Variants in SHBG observed in about 807,000 individuals in gnomAD.
SHBG encodes the protein sex hormone binding globulin, also known as sex hormone-binding globulin.
SHBG carries 37 observed loss-of-function variants against 41.9 expected under a neutral mutation model. The observed-to-expected ratio is 0.88, with a 90% CI of 0.68 to 1.16. SHBG has a LOEUF of 1.16. Ranked by LOEUF, SHBG falls within the 50% of genes most tolerant of loss-of-function variation. The pLI, the probability that SHBG is intolerant of heterozygous loss-of-function variation, is 0.00. For missense variants in SHBG, 466 were observed against 499.9 expected, an observed-to-expected ratio of 0.93 and a Z score of 0.65; for synonymous variants, 217 against 205.8, an observed-to-expected ratio of 1.05 and a Z score of -0.47.
intron 1 of SHBG, among the ~76,000 whole-genome samples, chr17:7,615,575 TGGATCACCTGAGGTCCTC>T (rs1164078207): frequency 4.3e-5 from 6 of 139,470 alleles, no homozygotes; most frequent in South Asian, 2.3e-4. Flanking sequence ...CCGAGGCAGG[TGGATCACCTGAGGTCCTC>T]GGATCACCTG....
In SHBG at chr17:7,631,588, G is replaced by T. The variant is rs1422282116; in HGVS notation, c.556-1G>T. 6.2e-7 allele frequency: 1 copy of T among 1,614,090 alleles called. No individual in the cohort carries two copies. The highest frequency in any genetic ancestry group is 1.1e-5 in the South Asian group (1 of 91,088). On this transcript the variant is annotated splice_acceptor_variant, in intron 4 of 7. Coordinates refer to ENST00000380450, the MANE Select transcript of SHBG (RefSeq NM_001040.5). LOFTEE classifies it high-confidence loss of function. Reference sequence around the variant, plus strand: ...CGTATCTTATCTCTGTCACACTCCAGCTGGTTCCTGCCCTGGATGGCTGCC... The same window carrying T: ...CGTATCTTATCTCTGTCACACTCCATCTGGTTCCTGCCCTGGATGGCTGCC...
At chr17:7,631,503 GA>G in intron 4 of SHBG, 85 bp from the exon 5 acceptor site, 1 of 1,557,644 alleles carries the variant, frequency 6.4e-7, no homozygotes, top group East Asian at 2.2e-5. Flanking sequence ...GCTCAGAGGG[GA>G]GTCAACTGAG....
At chr17:7,625,563 C>T (rs535369108), upstream of SHBG, among the ~76,000 whole-genome samples, 17 of 148,944 alleles carry the variant, frequency 1.1e-4, no homozygotes, top group Non-Finnish European at 2.2e-4. Context: ...GGTGACAGAG[C>T]GAGACTCTGT....
intron 5 of SHBG, 30 bp downstream of exon 5, chr17:7,631,778 C>T (rs2072425435): frequency 6.2e-7 from 1 of 1,613,598 alleles, no homozygotes. Flanking sequence ...ATTTTTCCCA[C>T]CCTGGCCAGC....
At chr17:7,625,986 G>C (rs183143595), upstream of SHBG, among the ~76,000 whole-genome samples, 1 of 151,284 alleles carries the variant, frequency 6.6e-6, no homozygotes, top group South Asian at 2.1e-4. Context: ...GACGGATCAC[G>C]AGATCAGGAG....
In SHBG at chr17:7,630,530, G is replaced by T. The variant is rs1359050627; in HGVS notation, c.203+23G>T. On this transcript the variant is annotated intron_variant, in intron 2 of 7. Coordinates refer to ENST00000380450, the MANE Select transcript of SHBG (RefSeq NM_001040.5). This position sits in a 1 kb window ranked among gnomAD's most constrained non-coding sequence, Gnocchi z 4.6. ...AAAGTATGGGGTTGGCCTAGCCCTT[G>T]ACCCAGTCCCCTGGTTCTGCCCTCT... 2 of 1,604,486 alleles carry T rather than the reference G, an allele frequency of 1.2e-6. No homozygotes were observed. The highest frequency in any genetic ancestry group is 2.2e-5 in the South Asian group (2 of 90,770).
chr17:7,632,303 G>C (rs986561286), intron 6 of SHBG, among the ~76,000 whole-genome samples: 2 of 151,792 alleles, frequency 1.3e-5, no homozygotes, highest in Admixed American at 6.6e-5. Context: ...AATTAGCCAG[G>C]CATGGTAGCA....
At chr17:7,626,202 A>G (rs532405520), upstream of SHBG, 16 of 415,626 alleles carry the variant, frequency 3.8e-5, no homozygotes, top group South Asian at 5.6e-4. Flanking sequence ...AAAAAAAAAA[A>G]AAAAGAAATA....
At chr17:7,628,782 A>G (rs912887112), upstream of SHBG, among the ~76,000 whole-genome samples, 4 of 151,924 alleles carry the variant, frequency 2.6e-5, no homozygotes, top group Admixed American at 2.6e-4. Flanking sequence ...TGGGGTGGGC[A>G]CAGTGGCTCA....
At chr17:7,623,840 C>T (rs1360064374), upstream of SHBG, among the ~76,000 whole-genome samples, 1 of 152,104 alleles carries the variant, frequency 6.6e-6, no homozygotes, top group East Asian at 1.9e-4. Context: ...TGACTCACTT[C>T]AGCCTCGACC....
chr17:7,626,693 C>T, upstream of SHBG: 1 of 1,612,152 alleles, frequency 6.2e-7, no homozygotes, highest in Non-Finnish European at 8.5e-7. Flanking sequence ...AACCCGGGTC[C>T]CCCCTCCATA....
At chr17:7,622,366 G>A (rs373887420) in intron 1 of SHBG, among the ~76,000 whole-genome samples, 3 of 151,564 alleles carry the variant, frequency 2.0e-5, no homozygotes, top group East Asian at 3.9e-4. Flanking sequence ...TCCACCTCCC[G>A]GGTTCAAGCA....
At chr17:7,629,955 G>A (rs2072343834), upstream of SHBG, 1 of 621,608 alleles carries the variant, frequency 1.6e-6, no homozygotes, top group Non-Finnish European at 2.9e-6. Context: ...GGATGATAGT[G>A]GAGGGGACTC....
intron 1 of SHBG, among the ~76,000 whole-genome samples, chr17:7,616,467 AAAAAAAAAT>A (rs1156674185): frequency 3.2e-5 from 4 of 124,864 alleles, no homozygotes; most frequent in Middle Eastern, 4.0e-3. Context: ...AAAAAAAAAA[AAAAAAAAAT>A]TAGCTGGGCG....
rs777251157 is a variant in SHBG, at chr17:7,633,238, C to T, written c.1095C>T (p.Gly365=). 7.4e-6 allele frequency: 12 copies of T among 1,614,068 alleles called. No homozygotes were observed. The highest frequency in any genetic ancestry group is 1.0e-5 in the Non-Finnish European group (12 of 1,179,988). The stretch of plus-strand genomic sequence containing the variant: ...CTTCCACCTCTTTTTGCCTGAATGG[C>T]CTTTGGGCACAAGGTCAGAGGCTGG... ...EDSSTSFCLN[G]LWAQGQRLDV... Residue 365 remains glycine (G), a synonymous_variant, in exon 8 of 8, where the codon GGC becomes GGT. Coordinates refer to ENST00000380450, the MANE Select transcript of SHBG (RefSeq NM_001040.5).
intron 1 of SHBG, among the ~76,000 whole-genome samples, chr17:7,615,626 G>A (rs2071966298): frequency 6.7e-6 from 1 of 148,780 alleles, no homozygotes; most frequent in Non-Finnish European, 1.5e-5. Flanking sequence ...CGAGACCAGC[G>A]TGGCCAAAAT....
At position 7,630,973 on chromosome 17, in the gene SHBG, AAT is replaced by A; in HGVS notation, c.393+105_393+106del. On this transcript the variant is annotated intron_variant, in intron 3 of 7. Coordinates refer to ENST00000380450, the MANE Select transcript of SHBG (RefSeq NM_001040.5). This position sits in a 1 kb window ranked among gnomAD's most constrained non-coding sequence, Gnocchi z 4.6. The stretch of plus-strand genomic sequence containing the variant: ...TCCCTCTACCACTGTCATCTCGTTT[AAT>A]CCACACGAACCCCCACAAAGTAGCT... 1 of 1,107,622 alleles carries A rather than the reference AAT, an allele frequency of 9.0e-7. No homozygotes were observed. Among genetic ancestry groups the A allele is most frequent in the Non-Finnish European group, 1.3e-6 (1 of 751,310 alleles). 68.6% of individuals were successfully genotyped at this position (1,107,622 alleles called of 1,614,324 possible).
chr17:7,622,518 C>T (rs1434014902), intron 1 of SHBG, among the ~76,000 whole-genome samples: 1 of 151,796 alleles, frequency 6.6e-6, no homozygotes, highest in Non-Finnish European at 1.5e-5. Context: ...GGTGATCTGC[C>T]CACCTTGGCC....
In SHBG at chr17:7,631,981, A is replaced by T; in HGVS notation, c.818A>T (p.Asn273Ile). ...CTCCTTGCTCTTGGGACACCAGAGA[A>T]CCCATCTTGGCTCAGTCTCCACCTC... ...GHLLALGTPENPSWLSLHLQD... is the reference protein window; with the variant it reads ...GHLLALGTPEIPSWLSLHLQD... The change falls in exon 6 of 8, where the codon AAC becomes ATC. Residue 273 changes from asparagine (N) to isoleucine (I), a missense_variant. Transcript: ENST00000380450. 1.2e-6 allele frequency: 2 copies of T among 1,613,916 alleles called. No individual in the cohort carries two copies. The highest frequency in any genetic ancestry group is 1.7e-6 in the Non-Finnish European group (2 of 1,179,994).
Sources: gnomAD v4.1 joint callset for allele counts (sites outside exome capture counted in the v4.1 genomes callset) on GRCh38, gnomAD v4.1.1 for gene constraint, Gnocchi (gnomAD v3.1) non-coding constraint, MANE v1.5 for transcripts, NCBI Gene and HGNC (gene_info 2026-07-23, HGNC 2026-07-21) for gene names.